Variants in DOP1B observed in about 807,000 individuals in gnomAD.
DOP1B encodes the protein protein DOP1B.
DOP1B carries 174 observed loss-of-function variants against 233.5 expected under a neutral mutation model. The ratio of observed to expected loss-of-function variants is 0.75; its 90% CI spans 0.66 to 0.85. DOP1B has a LOEUF of 0.85. Among genes scored for constraint, DOP1B ranks in the 40% least tolerant of loss-of-function variants. The probability of loss-of-function intolerance (pLI) is 0.00; values close to 1 mark genes in which losing one functional copy is unlikely to be tolerated. For synonymous variants in DOP1B, 1,190 were observed against 1,185.6 expected, an observed-to-expected ratio of 1.00 and a Z score of -0.08; for missense variants, 2,652 against 2,846.6, an observed-to-expected ratio of 0.93 and a Z score of 1.56.
intron 16 of DOP1B, 71 bp downstream of exon 16, chr21:36,237,485 G>A: frequency 6.3e-7 from 1 of 1,579,714 alleles, no homozygotes; most frequent in African/African-American, 1.3e-5. Context: ...TTAGCCAACT[G>A]ACATCCATTC....
At chr21:36,169,307 A>G (rs1005734054) in intron 2 of DOP1B, 7 of 784,826 alleles carry the variant, frequency 8.9e-6, no homozygotes, top group Non-Finnish European at 1.6e-5. Flanking sequence ...GTCCTCAGTA[A>G]GGTAGCCCTG....
At position 36,246,843 on chromosome 21, in the gene DOP1B, A is replaced by ATTATG. The variant is rs58401743; in HGVS notation, c.4697+216_4697+220dup. On this transcript the variant is annotated intron_variant, in intron 19 of 36. Transcript: ENST00000691173. The surrounding 1 kb of genome is among the most constrained non-coding windows in gnomAD (Gnocchi z 5.1). Reference sequence around the variant, plus strand: ...AACAAGCAACTAAATGTTCTGATCCATTATGTTATGTTATGTTATGTTATG... The same window carrying ATTATG: ...AACAAGCAACTAAATGTTCTGATCCATTATGTTATGTTATGTTATGTTATGTTATG... Among the ~76,000 whole-genome samples the ATTATG allele has an allele frequency of 0.09, 13,239 of 146,828 alleles. 633 individuals carry two copies. Among genetic ancestry groups the ATTATG allele is most frequent in the African/African-American group, 0.11 (4,422 of 39,324 alleles).
intron 27 of DOP1B, among the ~76,000 whole-genome samples, chr21:36,270,721 C>A (rs1211178218): frequency 6.6e-6 from 1 of 151,284 alleles, no homozygotes; most frequent in African/African-American, 2.4e-5. Context: ...CAAGACCAGC[C>A]TGGCCAAGAT....
rs138462178 is a variant in DOP1B, at chr21:36,252,740, G to T, written c.5122-1032G>T. Among the ~76,000 whole-genome samples the T allele has an allele frequency of 2.6e-5, 4 of 152,170 alleles. No individual in the cohort carries two copies. In the East Asian group the frequency reaches 7.7e-4, roughly 29 times the overall value. Reference sequence around the variant, plus strand: ...TTGGCCAGGCTGGTCTCAAACTCCTGACCTCGTGATCCGCCTGCCTCGGCC... The same window carrying T: ...TTGGCCAGGCTGGTCTCAAACTCCTTACCTCGTGATCCGCCTGCCTCGGCC... On this transcript the variant is annotated intron_variant, in intron 22 of 36. Transcript: ENST00000691173.
chr21:36,198,476 A>G (rs986816029), intron 2 of DOP1B, among the ~76,000 whole-genome samples: 5 of 151,480 alleles, frequency 3.3e-5, no homozygotes, highest in Admixed American at 6.6e-5. Flanking sequence ...GGGGCCTCCC[A>G]CGCACAAAGT....
intron 26 of DOP1B, 39 bp downstream of exon 26, chr21:36,263,853 C>T: frequency 6.3e-7 from 1 of 1,583,432 alleles, no homozygotes; most frequent in East Asian, 2.2e-5. Flanking sequence ...TGATATTACC[C>T]CAGCAGTGCT....
chr21:36,231,013 G>A lies in DOP1B; in HGVS notation c.2229G>A (p.Arg743=). 10 of 1,614,190 alleles carry A rather than the reference G, an allele frequency of 6.2e-6. No individual in the cohort carries two copies. The highest frequency in any genetic ancestry group is 1.6e-4 in the Middle Eastern group (1 of 6,062). The change falls in exon 14 of 37, where the codon AGG becomes AGA. Residue 743 remains arginine, a synonymous_variant. Coordinates refer to ENST00000691173, the MANE Select transcript of DOP1B (RefSeq NM_001320714.2). ...EKVVIDLGGS[R]EERREAFAAA... ...TGGTCATTGACCTGGGGGGTTCCAG[G>A]GAGGAACGCAGGGAGGCCTTTGCCG... is the stretch of plus-strand genomic sequence containing the variant.
At chr21:36,248,673 G>C in intron 21 of DOP1B, 105 bp downstream of exon 21, 4 of 1,123,188 alleles carry the variant, frequency 3.6e-6, no homozygotes, top group Non-Finnish European at 4.8e-6. Flanking sequence ...TGTGCTCAAT[G>C]AAACCCAAGT....
chr21:36,203,275 G>A (rs1162355573), intron 4 of DOP1B, among the ~76,000 whole-genome samples: 2 of 152,206 alleles, frequency 1.3e-5, no homozygotes, highest in African/African-American at 4.8e-5. Context: ...AGCTCTCCAA[G>A]GTGGATGCAG....
At chr21:36,222,831 G>A (rs778724029) in intron 10 of DOP1B, among the ~76,000 whole-genome samples, 16 of 151,898 alleles carry the variant, frequency 1.1e-4, no homozygotes, top group Non-Finnish European at 2.4e-4. Flanking sequence ...CGCCTCCCAG[G>A]TTCAGGCGAT....
chr21:36,169,147 G>T, intron 2 of DOP1B: 1 of 946,366 alleles, frequency 1.1e-6, no homozygotes. Context: ...TGCAGAGAAT[G>T]AGCACTCGCT....
At chr21:36,172,372 G>A (rs1213394681) in intron 2 of DOP1B, among the ~76,000 whole-genome samples, 1 of 152,192 alleles carries the variant, frequency 6.6e-6, no homozygotes, top group Non-Finnish European at 1.5e-5. Context: ...GGATGGTGCT[G>A]GAGGGAGCAC....
At chr21:36,236,174 G>A (rs1569040672) in intron 15 of DOP1B, among the ~76,000 whole-genome samples, 1 of 152,238 alleles carries the variant, frequency 6.6e-6, no homozygotes, top group African/African-American at 2.4e-5. Context: ...GTGGGGACCA[G>A]CCCTCCTTCT....
Position 36,183,042 on chromosome 21 carries a change from G to A in DOP1B, c.139-16028G>A, listed in dbSNP as rs80226428. 9.2e-3 allele frequency among the ~76,000 whole-genome samples: 1,403 copies of A among 152,234 alleles called. 17 individuals carry two copies. Among genetic ancestry groups the A allele is most frequent in the African/African-American group, 0.03 (1,264 of 41,520 alleles). ...TAGGATGTTTTCTTTTGTTTAAGAGGCAGGGTCTCACTATGTTGCCCAGGC... is the reference window on the plus strand; with the variant it reads ...TAGGATGTTTTCTTTTGTTTAAGAGACAGGGTCTCACTATGTTGCCCAGGC... On this transcript the variant is annotated intron_variant, in intron 2 of 36. Transcript: ENST00000691173.
chr21:36,262,845 C>A (rs1332455871), intron 24 of DOP1B, among the ~76,000 whole-genome samples: 3 of 151,712 alleles, frequency 2.0e-5, no homozygotes, highest in Non-Finnish European at 2.9e-5. Context: ...GAGCTCAGAT[C>A]GTGCCACTGC....
At chr21:36,214,839 A>C (rs931108518) in intron 9 of DOP1B, among the ~76,000 whole-genome samples, 3 of 152,170 alleles carry the variant, frequency 2.0e-5, no homozygotes, top group Non-Finnish European at 4.4e-5. Context: ...AGCCTGGGTA[A>C]TATGGCTGAA....
intron 15 of DOP1B, among the ~76,000 whole-genome samples, chr21:36,236,500 T>C (rs2066828153): frequency 1.3e-5 from 2 of 152,102 alleles, no homozygotes; most frequent in Non-Finnish European, 2.9e-5. Flanking sequence ...CCAGAATGAG[T>C]GATCTTGACA....
At chr21:36,226,622 GC>G (rs1288799641) in intron 12 of DOP1B, among the ~76,000 whole-genome samples, 10 of 150,222 alleles carry the variant, frequency 6.7e-5, no homozygotes, top group Admixed American at 6.7e-4. Flanking sequence ...TTGAGATAGA[GC>G]CTCACTGTCA....
intron 23 of DOP1B, among the ~76,000 whole-genome samples, chr21:36,254,148 C>G (rs564682450): frequency 9.2e-5 from 14 of 151,832 alleles, no homozygotes; most frequent in Non-Finnish European, 1.9e-4. Flanking sequence ...TTCCTTGTAC[C>G]CTGCTGCTGA....
Sources: gnomAD v4.1 joint callset for allele counts (sites outside exome capture counted in the v4.1 genomes callset) on GRCh38, gnomAD v4.1.1 for gene constraint, Gnocchi (gnomAD v3.1) non-coding constraint, MANE v1.5 for transcripts, NCBI Gene and HGNC (gene_info 2026-07-23, HGNC 2026-07-21) for gene names.